Variants in CCDC178 observed in about 807,000 individuals in gnomAD.
CCDC178 encodes coiled-coil domain containing 178.
CCDC178 carries 126 observed loss-of-function variants against 117.4 expected under a neutral mutation model. The ratio of observed to expected loss-of-function variants is 1.07; its 90% CI spans 0.93 to 1.24. The LOEUF (loss-of-function observed/expected upper bound fraction) is 1.24, where lower values mean the gene tolerates loss of function less well. CCDC178 is among the 50% of genes most tolerant of loss of function. The pLI is 0.00. For missense variants in CCDC178, 1,030 were observed against 986.9 expected, an observed-to-expected ratio of 1.04 and a Z score of -0.59; for synonymous variants, 283 against 313.4, an observed-to-expected ratio of 0.90 and a Z score of 1.02.
intron 2 of CCDC178, among the ~76,000 whole-genome samples, chr18:33,421,658 G>A (rs1424964603): frequency 6.6e-6 from 1 of 152,174 alleles, no homozygotes; most frequent in East Asian, 1.9e-4. Context: ...TCATTTGGCA[G>A]AACATAAGGT....
chr18:32,999,601 T>C (rs1433559776), intron 21 of CCDC178, among the ~76,000 whole-genome samples: 1 of 152,160 alleles, frequency 6.6e-6, no homozygotes, highest in Non-Finnish European at 1.5e-5. Flanking sequence ...CAGGAGTGTT[T>C]ATTGTCATCC....
At chr18:33,264,820 T>G (rs945950209) in intron 14 of CCDC178, among the ~76,000 whole-genome samples, 4 of 152,130 alleles carry the variant, frequency 2.6e-5, no homozygotes, top group African/African-American at 9.7e-5. Context: ...GTGATCTCAC[T>G]AATGTACTTT....
intron 9 of CCDC178, among the ~76,000 whole-genome samples, chr18:33,344,774 G>A (rs1168551836): frequency 7.3e-6 from 1 of 137,178 alleles, no homozygotes; most frequent in Non-Finnish European, 1.5e-5. Flanking sequence ...TGTCTTTTCT[G>A]ACCCTATGGT....
rs115239426 is a variant in CCDC178 at position 33,420,763 on chromosome 18, C to G, written c.-22-8653G>C. On this transcript the variant is annotated intron_variant, in intron 2 of 22. Transcript: ENST00000383096. ...ACACAATTTATATGACAAACCTGCA[C>G]ATGTACCACTGAAATTAAAATAACA... Among the ~76,000 whole-genome samples the G allele has an allele frequency of 2.2e-3, 334 of 151,874 alleles. 4 individuals are homozygous for G. The highest frequency in any genetic ancestry group is 7.6e-3 in the African/African-American group (315 of 41,382).
intron 20 of CCDC178, among the ~76,000 whole-genome samples, chr18:33,170,106 T>C (rs1436101259): frequency 1.3e-5 from 2 of 151,974 alleles, no homozygotes; most frequent in Non-Finnish European, 2.9e-5. Flanking sequence ...AAATGGCTCC[T>C]TCACTTTGTA....
intron 10 of CCDC178, 60 bp from the exon 11 acceptor site, chr18:33,323,693 T>G: frequency 9.7e-7 from 1 of 1,027,866 alleles, no homozygotes; most frequent in African/African-American, 1.7e-5. Context: ...AAATAATAAC[T>G]TCAACTTAGT....
intron 21 of CCDC178, among the ~76,000 whole-genome samples, chr18:33,046,834 T>C (rs924615512): frequency 6.6e-6 from 1 of 152,106 alleles, no homozygotes; most frequent in African/African-American, 2.4e-5. Context: ...ACCTGACTAT[T>C]GAAAGAAAAA....
intron 20 of CCDC178, among the ~76,000 whole-genome samples, chr18:33,127,320 A>G (rs1293317961): frequency 1.3e-5 from 2 of 152,200 alleles, no homozygotes; most frequent in East Asian, 3.9e-4. Context: ...GGATTCTGGT[A>G]TAATGAAAAG....
chr18:33,237,705 C>T (rs1295968916), intron 15 of CCDC178, among the ~76,000 whole-genome samples: 1 of 152,288 alleles, frequency 6.6e-6, no homozygotes. Context: ...AGAAACGGCC[C>T]CACAGGCCAC....
intron 20 of CCDC178, among the ~76,000 whole-genome samples, chr18:33,206,194 C>A (rs1178778199): frequency 6.6e-6 from 1 of 151,862 alleles, no homozygotes; most frequent in African/African-American, 2.4e-5. Context: ...CAATGTGCAA[C>A]TAAAAACATT....
chr18:33,162,443 ATTATT>A (rs1265452937), intron 20 of CCDC178, among the ~76,000 whole-genome samples: 4 of 152,148 alleles, frequency 2.6e-5, no homozygotes, highest in African/African-American at 9.7e-5. Context: ...TTTTTAAACT[ATTATT>A]TTAGGTTCAG....
chr18:33,063,262 T>A (rs2056957786), intron 21 of CCDC178, among the ~76,000 whole-genome samples: 1 of 152,112 alleles, frequency 6.6e-6, no homozygotes, highest in Non-Finnish European at 1.5e-5. Context: ...TCTCTGCCTA[T>A]CACCATGGGT....
At chr18:33,371,715 A>T (rs1277489978) in intron 5 of CCDC178, among the ~76,000 whole-genome samples, 1 of 151,832 alleles carries the variant, frequency 6.6e-6, no homozygotes, top group East Asian at 1.9e-4. Context: ...TACTCTGAAC[A>T]CATATACTTG....
intron 12 of CCDC178, among the ~76,000 whole-genome samples, chr18:33,289,425 C>T (rs183751576): frequency 2.0e-4 from 30 of 151,992 alleles, no homozygotes; most frequent in African/African-American, 7.0e-4. Context: ...GACCACCTGG[C>T]CAACATGGTG....
chr18:33,163,772 C>A (rs1219099544), intron 20 of CCDC178, among the ~76,000 whole-genome samples: 1 of 152,116 alleles, frequency 6.6e-6, no homozygotes, highest in Non-Finnish European at 1.5e-5. Flanking sequence ...CAAAATAATT[C>A]TTTGGTGTCA....
chr18:33,283,118 G>T (rs1436032856), intron 12 of CCDC178, among the ~76,000 whole-genome samples: 1 of 152,062 alleles, frequency 6.6e-6, no homozygotes. Context: ...GCTGCACCTC[G>T]GCATCCCCCA....
chr18:33,139,360 T>C (rs2058168943), intron 20 of CCDC178, among the ~76,000 whole-genome samples: 1 of 152,048 alleles, frequency 6.6e-6, no homozygotes, highest in African/African-American at 2.4e-5. Flanking sequence ...CAGGCTGAGG[T>C]TGGAACAGTT....
chr18:32,941,615 C>G (rs1175282143), intron 22 of CCDC178, among the ~76,000 whole-genome samples: 1 of 152,036 alleles, frequency 6.6e-6, no homozygotes, highest in Admixed American at 6.6e-5. Context: ...AGAAATCTAA[C>G]AAGAAGAAAG....
At chr18:33,375,458 T>G (rs1377686470) in intron 5 of CCDC178, among the ~76,000 whole-genome samples, 1 of 152,078 alleles carries the variant, frequency 6.6e-6, no homozygotes, top group East Asian at 1.9e-4. Context: ...CTTCCTAGAC[T>G]CCCATCCTGG....
Sources: allele counts gnomAD v4.1 joint callset (sites outside exome capture counted in the v4.1 genomes callset), GRCh38; gene constraint gnomAD v4.1.1; transcripts MANE v1.5; gene names NCBI Gene and HGNC (gene_info 2026-07-23, HGNC 2026-07-21).